Variants in GRIN2B observed in about 807,000 individuals in gnomAD.
GRIN2B encodes glutamate receptor ionotropic, NMDA 2B.
GRIN2B carries 5 observed loss-of-function variants against 114.5 expected under a neutral mutation model. The observed-to-expected ratio is 0.04, with a 90% CI of 0.02 to 0.09. The LOEUF (loss-of-function observed/expected upper bound fraction) is 0.09, where lower values mean the gene tolerates loss of function less well. GRIN2B is among the 10% of genes least tolerant of loss of function. The probability of loss-of-function intolerance (pLI) is 1.00; values close to 1 mark genes in which losing one functional copy is unlikely to be tolerated. For synonymous variants in GRIN2B, 787 were observed against 745.1 expected (o/e 1.06, Z -0.92); for missense variants, 1,108 against 1,943.5 (o/e 0.57, Z 8.08).
intron 5 of GRIN2B, among the ~76,000 whole-genome samples, chr12:13,632,004 C>T (rs1228809073): frequency 6.6e-6 from 1 of 152,168 alleles, no homozygotes; most frequent in African/African-American, 2.4e-5. Context: ...GGCCAGACCA[C>T]ATGGTAGAAT....
At chr12:13,755,444 T>C (rs976802783) in intron 3 of GRIN2B, among the ~76,000 whole-genome samples, 2 of 152,132 alleles carry the variant, frequency 1.3e-5, no homozygotes, top group African/African-American at 4.8e-5. Context: ...TTTGGTCATA[T>C]AGGAGTAATT....
At chr12:13,824,450 A>G (rs1864993312) in intron 3 of GRIN2B, among the ~76,000 whole-genome samples, 1 of 152,080 alleles carries the variant, frequency 6.6e-6, no homozygotes, top group Non-Finnish European at 1.5e-5. Context: ...TTTAATTTTG[A>G]TACGCTCTAT....
intron 2 of GRIN2B, among the ~76,000 whole-genome samples, chr12:13,929,151 A>T (rs1043079478): frequency 3.3e-5 from 5 of 152,256 alleles, no homozygotes; most frequent in African/African-American, 1.2e-4. Flanking sequence ...TAACCTGAAG[A>T]TTTGTTCAAG....
chr12:13,786,640 T>C (rs117957764), intron 3 of GRIN2B, among the ~76,000 whole-genome samples: 4,500 of 151,502 alleles, frequency 0.03, 87 homozygotes, highest in Non-Finnish European at 0.048. Context: ...ACCAGGAATA[T>C]ACCAGATTTT....
chr12:13,733,603 T>C (rs1239001831), intron 4 of GRIN2B, among the ~76,000 whole-genome samples: 1 of 152,210 alleles, frequency 6.6e-6, no homozygotes, highest in Non-Finnish European at 1.5e-5. Context: ...CCTGGTGTTG[T>C]ATACATCCAT....
In GRIN2B at chr12:13,605,148, G is replaced by A. The variant is rs543150926; in HGVS notation, c.2010+3455C>T. On this transcript the variant is annotated intron_variant, in intron 10 of 13. Transcript: ENST00000609686. Reference sequence around the variant, plus strand: ...AGTTCAGGGTCAGACAGAGGAATAGGTGGTCAGGTATTGGCCTATAGATTA... The same window carrying A: ...AGTTCAGGGTCAGACAGAGGAATAGATGGTCAGGTATTGGCCTATAGATTA... Among the ~76,000 whole-genome samples the A allele has an allele frequency of 5.3e-5, 8 of 151,062 alleles. No homozygotes were observed. The South Asian group carries it at 1.5e-3, about 27-fold the overall frequency.
intron 10 of GRIN2B, among the ~76,000 whole-genome samples, chr12:13,604,072 A>G (rs1388220049): frequency 1.3e-5 from 2 of 152,152 alleles, no homozygotes; most frequent in Non-Finnish European, 2.9e-5. Context: ...CTGCAAAATG[A>G]GAAATCCATC....
intron 4 of GRIN2B, among the ~76,000 whole-genome samples, chr12:13,749,191 T>C (rs1027885820): frequency 6.6e-6 from 1 of 152,226 alleles, no homozygotes; most frequent in Non-Finnish European, 1.5e-5. Context: ...ATTCTTCCTT[T>C]GGTAACTAAC....
At chr12:13,670,754 A>G (rs1440937268) in intron 5 of GRIN2B, among the ~76,000 whole-genome samples, 1 of 151,898 alleles carries the variant, frequency 6.6e-6, no homozygotes, top group Non-Finnish European at 1.5e-5. Flanking sequence ...GTCTGCATGC[A>G]TATGTGTGTG....
At position 13,552,278 on chromosome 12, in the gene GRIN2B, A is replaced by G. The variant is rs1281231080; in HGVS notation, c.*10505T>C. 2.6e-5 allele frequency: 4 copies of G among 152,060 alleles called. No individual in the cohort carries two copies. Among genetic ancestry groups the G allele is most frequent in the Non-Finnish European group, 4.4e-5 (3 of 68,006 alleles). 9.4% of individuals were successfully genotyped at this position (152,060 alleles called of 1,614,324 possible). On this transcript the variant is annotated 3_prime_UTR_variant, in exon 14 of 14. Transcript: ENST00000609686. ...GGCCAGGTTCCTTGTGGATATCAGGACCTCACACATAAGGTTGCATTCAGG... is the reference window on the plus strand; with the variant it reads ...GGCCAGGTTCCTTGTGGATATCAGGGCCTCACACATAAGGTTGCATTCAGG...
chr12:13,921,302 G>A (rs1347006039), intron 2 of GRIN2B, among the ~76,000 whole-genome samples: 1 of 152,110 alleles, frequency 6.6e-6, no homozygotes, highest in Admixed American at 6.6e-5. Flanking sequence ...GGAGGCTGAG[G>A]CATGAGAATC....
At chr12:13,747,544 T>C (rs1411602445) in intron 4 of GRIN2B, among the ~76,000 whole-genome samples, 2 of 151,756 alleles carry the variant, frequency 1.3e-5, no homozygotes, top group Non-Finnish European at 3.0e-5. Context: ...TATATACAGG[T>C]GTGTGTCATT....
chr12:13,598,559 A>G (rs1949106582), intron 10 of GRIN2B, among the ~76,000 whole-genome samples: 1 of 152,170 alleles, frequency 6.6e-6, no homozygotes, highest in Non-Finnish European at 1.5e-5. Flanking sequence ...GACACCCTCA[A>G]AGCAGCTTCA....
chr12:13,980,838 T>C (rs959862838), intron 1 of GRIN2B, among the ~76,000 whole-genome samples: 6 of 152,158 alleles, frequency 3.9e-5, no homozygotes, highest in African/African-American at 1.4e-4. Context: ...TTGTGCTGAA[T>C]GGGTTCTGAT....
chr12:13,866,630 G>A (rs961376470), intron 2 of GRIN2B, among the ~76,000 whole-genome samples: 3 of 152,146 alleles, frequency 2.0e-5, no homozygotes, highest in South Asian at 4.1e-4. Flanking sequence ...GCAGAAAAAC[G>A]TGCTCAGCAG....
At position 13,740,392 on chromosome 12, in the gene GRIN2B, C is replaced by T. The variant is rs76278208; in HGVS notation, c.1010+12925G>A. On this transcript the variant is annotated intron_variant, in intron 4 of 13. Coordinates refer to ENST00000609686, the MANE Select transcript of GRIN2B (RefSeq NM_000834.5). ...ACAGAATAGGGGGTCCACATTCCTA[C>T]TGGATGTGTCACTCAGTGAATTAAG... 2.3e-4 allele frequency among the ~76,000 whole-genome samples: 35 copies of T among 152,252 alleles called. No homozygotes were observed. The East Asian group carries it at 6.0e-3, about 26-fold the overall frequency.
intron 3 of GRIN2B, among the ~76,000 whole-genome samples, chr12:13,783,528 G>A (rs1864160940): frequency 6.6e-6 from 1 of 152,008 alleles, no homozygotes; most frequent in African/African-American, 2.4e-5. Flanking sequence ...TTAGGTGGGT[G>A]TTAACAGAGA....
intron 3 of GRIN2B, among the ~76,000 whole-genome samples, chr12:13,846,520 C>A (rs1221775256): frequency 6.6e-6 from 1 of 152,142 alleles, no homozygotes; most frequent in Non-Finnish European, 1.5e-5. Flanking sequence ...CCACCCAAAC[C>A]AATCTTTTTC....
chr12:13,653,408 T>C (rs920258643), intron 5 of GRIN2B, among the ~76,000 whole-genome samples: 4 of 152,108 alleles, frequency 2.6e-5, no homozygotes, highest in Non-Finnish European at 5.9e-5. Context: ...AAGGCATTAC[T>C]TTTAGACAGG....
Sources: allele counts gnomAD v4.1 joint callset (sites outside exome capture counted in the v4.1 genomes callset), GRCh38; gene constraint gnomAD v4.1.1; transcripts MANE v1.5; gene names NCBI Gene and HGNC (gene_info 2026-07-23, HGNC 2026-07-21).